Variants in KCND2 observed in about 807,000 individuals in gnomAD.
The protein encoded by KCND2 is potassium voltage-gated channel subfamily D member 2.
Under a neutral mutation model 54.4 loss-of-function variants are expected in KCND2, and 16 were observed. The ratio of observed to expected loss-of-function variants is 0.29; its 90% confidence interval spans 0.20 to 0.45. KCND2 has a LOEUF of 0.45. Among genes scored for constraint, KCND2 ranks in the 20% least tolerant of loss-of-function variants. The probability of loss-of-function intolerance (pLI) is 1.00; values close to 1 mark genes in which losing one functional copy is unlikely to be tolerated. For missense variants in KCND2, 486 were observed against 824.2 expected (o/e 0.59, Z 5.02); for synonymous variants, 317 against 310.7 (o/e 1.02, Z -0.21).
intron 1 of KCND2, among the ~76,000 whole-genome samples, chr7:120,398,124 A>G (rs1801187210): frequency 6.8e-6 from 1 of 146,896 alleles, no homozygotes; most frequent in Non-Finnish European, 1.5e-5. Flanking sequence ...AATGCATAGC[A>G]TGGCAATACT....
In KCND2 at chr7:120,590,107, C is replaced by T. The variant is rs567382442; in HGVS notation, c.1116-142796C>T. On this transcript the variant is annotated intron_variant, in intron 1 of 5. Coordinates refer to ENST00000331113, the MANE Select transcript of KCND2 (RefSeq NM_012281.3). ...CTCGATCTCGGCTCACTGCAACCTCCGTTTCCCAGGTTCAAGCAATCGTGC... is the reference window on the plus strand; with the variant it reads ...CTCGATCTCGGCTCACTGCAACCTCTGTTTCCCAGGTTCAAGCAATCGTGC... 9.9e-5 allele frequency among the ~76,000 whole-genome samples: 15 copies of T among 152,260 alleles called. No homozygotes were observed. The Middle Eastern group carries it at 0.01, about 104-fold the overall frequency.
At chr7:120,674,027 C>T (rs1792027200) in intron 1 of KCND2, among the ~76,000 whole-genome samples, 1 of 151,978 alleles carries the variant, frequency 6.6e-6, no homozygotes, top group Non-Finnish European at 1.5e-5. Flanking sequence ...ACCTCAGCCT[C>T]CCAAGTAGCT....
At chr7:120,625,442 A>G (rs1793153098) in intron 1 of KCND2, among the ~76,000 whole-genome samples, 1 of 152,166 alleles carries the variant, frequency 6.6e-6, no homozygotes, top group African/African-American at 2.4e-5. Context: ...TTAGAACTTC[A>G]TTATTGGTTT....
chr7:120,298,983 AC>A (rs908941478), intron 1 of KCND2, among the ~76,000 whole-genome samples: 1 of 152,032 alleles, frequency 6.6e-6, no homozygotes, highest in East Asian at 1.9e-4. Flanking sequence ...CATGGGTGAA[AC>A]CCCGTCTCTA....
At chr7:120,314,024 A>T (rs973113069) in intron 1 of KCND2, among the ~76,000 whole-genome samples, 1 of 151,824 alleles carries the variant, frequency 6.6e-6, no homozygotes, top group Non-Finnish European at 1.5e-5. Context: ...GGTTTAAAAA[A>T]TCAACAAATA....
chr7:120,464,187 G>A (rs531853204), intron 1 of KCND2: 43 of 409,488 alleles, frequency 1.1e-4, no homozygotes, highest in Middle Eastern at 2.4e-3. Context: ...GAGTCTGTTC[G>A]TGCAAGCTAG....
At chr7:120,333,359 C>T (rs568582263) in intron 1 of KCND2, among the ~76,000 whole-genome samples, 36 of 152,116 alleles carry the variant, frequency 2.4e-4, no homozygotes, top group African/African-American at 7.0e-4. Flanking sequence ...TGCTACTTGG[C>T]CTCATCTCAC....
chr7:120,379,582 A>G lies in KCND2; in HGVS notation c.1115+103835A>G, dbSNP rs78488430. Among the ~76,000 whole-genome samples, 1,482 of 152,130 alleles carry G rather than the reference A, an allele frequency of 9.7e-3. 27 individuals carry two copies. The highest frequency in any genetic ancestry group is 0.034 in the African/African-American group (1,417 of 41,538). On this transcript the variant is annotated intron_variant, in intron 1 of 5. Coordinates refer to ENST00000331113, the MANE Select transcript of KCND2 (RefSeq NM_012281.3). ...AAAACGTGTCATCCTCAACTTATTT[A>G]TGTCTGTGGCCCATTACTCTTTTTA...
chr7:120,456,894 C>T (rs765754098), intron 1 of KCND2, among the ~76,000 whole-genome samples: 2 of 152,332 alleles, frequency 1.3e-5, no homozygotes, highest in Non-Finnish European at 2.9e-5. Flanking sequence ...GGCTCCACTC[C>T]TGCAGCAAAC....
intron 1 of KCND2, among the ~76,000 whole-genome samples, chr7:120,491,199 G>A (rs1802774242): frequency 1.3e-5 from 2 of 152,118 alleles, no homozygotes; most frequent in Admixed American, 1.3e-4. Flanking sequence ...TACATACCAA[G>A]TGTTGGGGTT....
chr7:120,693,295 A>C (rs1339639788), intron 1 of KCND2, among the ~76,000 whole-genome samples: 1 of 152,142 alleles, frequency 6.6e-6, no homozygotes, highest in African/African-American at 2.4e-5. Context: ...TCAGAGCACC[A>C]CGTACTTCCG....
chr7:120,592,986 G>A (rs1428380336), intron 1 of KCND2, among the ~76,000 whole-genome samples: 2 of 152,132 alleles, frequency 1.3e-5, no homozygotes, highest in Non-Finnish European at 2.9e-5. Flanking sequence ...AGAGATATCT[G>A]TTGTCAAAAC....
intron 1 of KCND2, among the ~76,000 whole-genome samples, chr7:120,656,090 C>G (rs1005885273): frequency 1.3e-5 from 2 of 152,064 alleles, no homozygotes; most frequent in African/African-American, 4.8e-5. Flanking sequence ...AGTAGGAGAA[C>G]TTTTAGTATT....
At chr7:120,448,703 G>A (rs576108971) in intron 1 of KCND2, among the ~76,000 whole-genome samples, 295 of 151,704 alleles carry the variant, frequency 1.9e-3, no homozygotes, top group Middle Eastern at 0.01. Flanking sequence ...GAATCCAGCA[G>A]CACATCAAAA....
At chr7:120,586,386 CA>C (rs908723637) in intron 1 of KCND2, among the ~76,000 whole-genome samples, 16 of 150,680 alleles carry the variant, frequency 1.1e-4, no homozygotes, top group Non-Finnish European at 2.4e-4. Flanking sequence ...TGTCAAATGA[CA>C]AAAAAAAATT....
chr7:120,678,372 TACGCACACACAC>T (rs1240767667), intron 1 of KCND2, among the ~76,000 whole-genome samples: 2,198 of 132,632 alleles, frequency 0.017, 52 homozygotes, highest in East Asian at 0.14. Flanking sequence ...TATATATATA[TACGCACACACAC>T]ATATATAGAC....
At chr7:120,622,689 ACTCTCTCTCTCTCTCTCTCTCTCTCT>A (rs751909741) in intron 1 of KCND2, among the ~76,000 whole-genome samples, 2 of 125,946 alleles carry the variant, frequency 1.6e-5, no homozygotes, top group African/African-American at 6.5e-5. Flanking sequence ...ACACACACAC[ACTCTCTCTCTCTCTCTCTCTCTCTCT>A]CACACACACA....
intron 1 of KCND2, among the ~76,000 whole-genome samples, chr7:120,401,519 G>A (rs1383784356): frequency 6.6e-6 from 1 of 152,148 alleles, no homozygotes; most frequent in Admixed American, 6.6e-5. Flanking sequence ...GGAGCACACA[G>A]TGGGAATCCA....
At chr7:120,654,571 A>G (rs1230357211) in intron 1 of KCND2, among the ~76,000 whole-genome samples, 2 of 152,202 alleles carry the variant, frequency 1.3e-5, no homozygotes, top group African/African-American at 4.8e-5. Context: ...AACCACATAA[A>G]TATTCAACAA....
Sources: allele counts gnomAD v4.1 joint callset (sites outside exome capture counted in the v4.1 genomes callset), GRCh38; gene constraint gnomAD v4.1.1; transcripts MANE v1.5; gene names NCBI Gene and HGNC (gene_info 2026-07-23, HGNC 2026-07-21).